Variants in PSG5 observed in about 807,000 individuals in gnomAD.
PSG5 encodes pregnancy specific beta-1-glycoprotein 5.
PSG5 carries 53 observed loss-of-function variants against 37.7 expected under a neutral mutation model. That is an observed-to-expected ratio of 1.41 (90% CI 1.13 to 1.77). The LOEUF (loss-of-function observed/expected upper bound fraction) is 1.77, where lower values mean the gene tolerates loss of function less well. PSG5 is among the 40% of genes most tolerant of loss of function. The probability of loss-of-function intolerance (pLI) is 0.00; values close to 1 mark genes in which losing one functional copy is unlikely to be tolerated. For missense variants in PSG5, 547 were observed against 405.2 expected, an observed-to-expected ratio of 1.35 and a Z score of -3.00; for synonymous variants, 221 against 155.4, an observed-to-expected ratio of 1.42 and a Z score of -3.14.
intron 2 of PSG5, chr19:43,183,485 G>T (rs1299382991): frequency 7.6e-6 from 4 of 528,828 alleles, no homozygotes; most frequent in Non-Finnish European, 1.5e-5. Context: ...AGTGGGGAAA[G>T]AAAACAAAGT....
At chr19:43,176,415 G>C (rs1000114742) in intron 2 of PSG5, among the ~76,000 whole-genome samples, 5 of 151,596 alleles carry the variant, frequency 3.3e-5, no homozygotes, top group Non-Finnish European at 7.4e-5. Flanking sequence ...ATCAGTGGGA[G>C]TCACAGCCCC....
Position 43,170,768 on chromosome 19 carries a change from T to C in PSG5, c.965-630A>G, listed in dbSNP as rs9676931. On this transcript the variant is annotated intron_variant, in intron 4 of 5. Coordinates refer to ENST00000342951, the MANE Select transcript of PSG5 (RefSeq NM_002781.4). Reference sequence around the variant, plus strand: ...TTTCACAGGAATCAGCTCTGCATAGTGGTCTGTGGGTTCTCCCATACTGCC... The same window carrying C: ...TTTCACAGGAATCAGCTCTGCATAGCGGTCTGTGGGTTCTCCCATACTGCC... The C allele has an allele frequency of 4.0e-3, 634 of 159,016 alleles. 18 individuals are homozygous for C. Among genetic ancestry groups the C allele is most frequent in the African/African-American group, 0.014 (591 of 41,278 alleles). 9.9% of individuals were successfully genotyped at this position (159,016 alleles called of 1,614,324 possible). A position where few individuals can be genotyped will look rare whatever the true frequency, so the allele number is the denominator to read the frequency against.
chr19:43,181,675 G>T (rs1969131430), intron 2 of PSG5, among the ~76,000 whole-genome samples: 1 of 151,704 alleles, frequency 6.6e-6, no homozygotes, highest in Non-Finnish European at 1.5e-5. Context: ...AGCCAGGATG[G>T]TCTCCATCTT....
intron 4 of PSG5, chr19:43,174,694 G>C: frequency 2.0e-6 from 2 of 987,956 alleles, no homozygotes; most frequent in Non-Finnish European, 2.5e-6. Context: ...TCCCACCCCA[G>C]GTTGAGTGAG....
chr19:43,177,611 G>A (rs984704192), intron 2 of PSG5, among the ~76,000 whole-genome samples: 4 of 151,282 alleles, frequency 2.6e-5, no homozygotes, highest in African/African-American at 9.8e-5. Context: ...TTTTGGATGT[G>A]AGAAAGGCTG....
rs755468336 is a variant in PSG5 at position 43,175,882 on chromosome 19, G to A, written c.697C>T (p.Leu233=). 6.2e-7 allele frequency: 1 copy of A among 1,612,482 alleles called. No individual in the cohort carries two copies. Among genetic ancestry groups the A allele is most frequent in the Non-Finnish European group, 8.5e-7 (1 of 1,179,166 alleles). The change falls in exon 3 of 6, where the codon CTG becomes TTG. Residue 233 remains leucine (L), a synonymous_variant. Coordinates refer to ENST00000342951, the MANE Select transcript of PSG5 (RefSeq NM_002781.4). ...AAAAGATACTCACAGAGGACATTCA[G>A]GGTGACTGGGTCACTGCGCATGCCA... ...DGGMRSDPVT[L]NVLYGPDLPS...
At chr19:43,172,859 T>C (rs1667149745) in intron 4 of PSG5, among the ~76,000 whole-genome samples, 1 of 151,562 alleles carries the variant, frequency 6.6e-6, no homozygotes, top group Non-Finnish European at 1.5e-5. Flanking sequence ...AGTGACATTT[T>C]TGCAGAAAAA....
intron 4 of PSG5, 193 bp from the exon 5 acceptor site, chr19:43,170,331 T>C: frequency 3.0e-6 from 2 of 673,168 alleles, no homozygotes; most frequent in South Asian, 3.7e-5. Flanking sequence ...GTTTCTAGGA[T>C]GGTGATCAGT....
rs1377231909 is a variant in PSG5 at position 43,179,802 on chromosome 19, G to A, written c.431-3654C>T. On this transcript the variant is annotated intron_variant, in intron 2 of 5. Coordinates refer to ENST00000342951, the MANE Select transcript of PSG5 (RefSeq NM_002781.4). Reference sequence around the variant, plus strand: ...TGAGCCAGTGACTTCTAAAGATAGAGCAGAGTCCAAGGAATGACCTACAAA... The same window carrying A: ...TGAGCCAGTGACTTCTAAAGATAGAACAGAGTCCAAGGAATGACCTACAAA... 2.0e-5 allele frequency among the ~76,000 whole-genome samples: 3 copies of A among 151,684 alleles called. No individual in the cohort carries two copies. The East Asian group carries it at 5.8e-4, about 29-fold the overall frequency.
chr19:43,180,047 G>A (rs141971199), intron 2 of PSG5, among the ~76,000 whole-genome samples: 3,119 of 151,752 alleles, frequency 0.021, 190 homozygotes, highest in African/African-American at 0.071. Context: ...TGTGTTTGGT[G>A]GATATTAGAC....
chr19:43,175,705 G>C, intron 3 of PSG5, 165 bp downstream of exon 3: 3 of 1,440,800 alleles, frequency 2.1e-6, no homozygotes, highest in Non-Finnish European at 2.8e-6. Flanking sequence ...TCCTGGTTAA[G>C]GCTGTGCCTA....
chr19:43,170,123 C>T lies in PSG5; in HGVS notation c.980G>A (p.Gly327Glu). The T allele has an allele frequency of 6.3e-7, 1 of 1,588,538 alleles. No homozygotes were observed. The highest frequency in any genetic ancestry group is 8.6e-7 in the Non-Finnish European group (1 of 1,161,402). Residue 327 changes from glycine to glutamate, a missense_variant, in exon 5 of 6, where the codon GGA becomes GAA. Physicochemically the swap from Gly to Glu is moderately conservative, Grantham distance 98. Coordinates refer to ENST00000342951, the MANE Select transcript of PSG5 (RefSeq NM_002781.4). ...TVEVSAPSGI[G>E]RLPLLNPI ...TATTGGATTAAGGAGAGGAAGACGT[C>T]CTATTCCTGAAGGAGCTGTCATGGA...
chr19:43,183,692 A>G (rs573233956), intron 2 of PSG5, among the ~76,000 whole-genome samples: 13 of 151,462 alleles, frequency 8.6e-5, no homozygotes, highest in South Asian at 4.2e-4. Flanking sequence ...TCTGAGGTTT[A>G]GAAGCCTAAG....
chr19:43,184,312 G>A (rs559367398), intron 2 of PSG5, among the ~76,000 whole-genome samples: 3 of 151,672 alleles, frequency 2.0e-5, no homozygotes, highest in African/African-American at 2.4e-5. Flanking sequence ...TCCCAGTAAG[G>A]CCTGCCCAAT....
Position 43,185,441 on chromosome 19 carries a change from C to A in PSG5, c.65-294G>T, listed in dbSNP as rs78559129. On this transcript the variant is annotated intron_variant, in intron 1 of 5. Coordinates refer to ENST00000342951, the MANE Select transcript of PSG5 (RefSeq NM_002781.4). ...GGGTCCACACGGCACCCCCCCCCCC[C>A]CACACTGCCCTCAGGTCCTGCTCAC... Among the ~76,000 whole-genome samples, 91 of 114,542 alleles carry A rather than the reference C, an allele frequency of 7.9e-4. 1 individual carries two copies. Among genetic ancestry groups the A allele is most frequent in the African/African-American group, 2.0e-3 (57 of 29,040 alleles). The allele number at this position is 114,542 out of a possible 152,430, so 75.1% of individuals were successfully genotyped here.
In PSG5 at chr19:43,185,146, T is replaced by C. The variant is rs762990888; in HGVS notation, c.66A>G (p.Ala22=). Residue 22 remains alanine, a splice_region_variant and synonymous_variant, in exon 2 of 6, where the codon GCA becomes GCG. Coordinates refer to ENST00000342951, the MANE Select transcript of PSG5 (RefSeq NM_002781.4). ...GCAGGTTCCAGAAGTTTAAAAGTGA[T>C]GCTAGGAGGTGGAGAAAGCACCAGT... The part of the protein sequence containing the change: ...HITWKGLLLT[A]SLLNFWNLPI... 26 of 1,597,164 alleles carry C rather than the reference T, an allele frequency of 1.6e-5. No homozygotes were observed. Among genetic ancestry groups the C allele is most frequent in the Non-Finnish European group, 2.2e-5 (26 of 1,171,256 alleles).
chr19:43,182,785 T>C (rs1298575706), intron 2 of PSG5, among the ~76,000 whole-genome samples: 1 of 142,606 alleles, frequency 7.0e-6, no homozygotes, highest in African/African-American at 2.7e-5. Context: ...TGCCTATCCC[T>C]GTCCCATTGT....
intron 2 of PSG5, among the ~76,000 whole-genome samples, chr19:43,177,647 CTTTAAACATT>C (rs1969039619): frequency 6.6e-6 from 1 of 151,352 alleles, no homozygotes; most frequent in African/African-American, 2.4e-5. Flanking sequence ...GTCATGAGAA[CTTTAAACATT>C]TTCATGGTTG....
At chr19:43,171,680 A>G (rs1455848769) in intron 4 of PSG5, among the ~76,000 whole-genome samples, 2 of 151,576 alleles carry the variant, frequency 1.3e-5, no homozygotes, top group East Asian at 3.9e-4. Flanking sequence ...ATCAGAAATG[A>G]AAATGGACTC....
Sources: gnomAD v4.1 joint callset for allele counts (sites outside exome capture counted in the v4.1 genomes callset) on GRCh38, gnomAD v4.1.1 for gene constraint, MANE v1.5 for transcripts, NCBI Gene and HGNC (gene_info 2026-07-23, HGNC 2026-07-21) for gene names.